ZDHHC11: variants seen among roughly 807,000 people sequenced by gnomAD.
ZDHHC11 encodes the protein zDHHC palmitoyltransferase 11, also known as palmitoyltransferase ZDHHC11.
ZDHHC11 carries 44 observed loss-of-function variants against 51.3 expected under a neutral mutation model. That is an observed-to-expected ratio of 0.86 (90% CI 0.67 to 1.10). The LOEUF is 1.10. Ranked by LOEUF, ZDHHC11 falls within the 50% of genes least tolerant of loss-of-function variation. The pLI is 0.00. For synonymous variants in ZDHHC11, 163 were observed against 222.0 expected (o/e 0.73, Z 2.36); for missense variants, 400 against 537.7 (o/e 0.74, Z 2.53).
intron 11 of ZDHHC11, among the ~76,000 whole-genome samples, chr5:807,826 G>A (rs1469556255): frequency 6.6e-6 from 1 of 151,100 alleles, no homozygotes; most frequent in Non-Finnish European, 1.5e-5. Context: ...TCCAAATGCA[G>A]GTTACGGTGC....
chr5:848,746 G>T, intron 1 of ZDHHC11, 86 bp from the exon 2 acceptor site: 1 of 1,544,658 alleles, frequency 6.5e-7, no homozygotes, highest in African/African-American at 1.4e-5. Context: ...CAGAAGAGGC[G>T]TGGCCGCTGG....
chr5:821,881 G>A lies in ZDHHC11; in HGVS notation c.1038C>T (p.Asp346=). 6.2e-7 allele frequency: 1 copy of A among 1,606,082 alleles called. No homozygotes were observed. Among genetic ancestry groups the A allele is most frequent in the Admixed American group, 1.7e-5 (1 of 59,506 alleles). Residue 346 remains aspartate, a synonymous_variant, in exon 9 of 13, where the codon GAC becomes GAT. Coordinates refer to ENST00000283441, the MANE Select transcript of ZDHHC11 (RefSeq NM_024786.3). ...GDSTAREGDE[D]PCPSALGAKA... is the part of the protein sequence containing the mutation. ...CTCACCCAAGTGCAGATGGACACGG[G>A]TCTTCATCCCCTTCCTGTGGGGAAG...
At position 795,919 on chromosome 5, in the gene ZDHHC11, C is replaced by T. The variant is rs1377103645; in HGVS notation, c.*669G>A. On this transcript the variant is annotated 3_prime_UTR_variant, in exon 13 of 13. Coordinates refer to ENST00000283441, the MANE Select transcript of ZDHHC11 (RefSeq NM_024786.3). The stretch of plus-strand genomic sequence containing the variant: ...GCTCCCATTTCCCAGTACTGTGCTC[C>T]CATTTCCCAGTACTGTGTGCTCCCA... 2 of 108,938 alleles carry T rather than the reference C, an allele frequency of 1.8e-5. No individual in the cohort carries two copies. The highest frequency in any genetic ancestry group is 5.4e-5 in the African/African-American group (2 of 36,772). 6.7% of individuals were successfully genotyped at this position (108,938 alleles called of 1,614,324 possible). A position where few individuals can be genotyped will look rare whatever the true frequency, so the allele number is the denominator to read the frequency against.
chr5:825,906 T>G (rs1435598858), intron 7 of ZDHHC11, among the ~76,000 whole-genome samples: 1 of 150,372 alleles, frequency 6.7e-6, no homozygotes, highest in African/African-American at 2.4e-5. Context: ...TCTGCCCATG[T>G]GACAACTTCA....
intron 1 of ZDHHC11, among the ~76,000 whole-genome samples, chr5:858,438 T>C (rs555757408): frequency 4.3e-4 from 66 of 151,852 alleles, no homozygotes; most frequent in Admixed American, 7.9e-4. Context: ...GAATCTATCC[T>C]GGTCCAAGTC....
At position 801,007 on chromosome 5, in the gene ZDHHC11, T is replaced by C; in HGVS notation, c.*7+93A>G. ...ACGACAAGCAGCCCAGCCCTTGAGT[T>C]TGCACTGGTGATTTTTTAAAGAAGA... On this transcript the variant is annotated intron_variant, in intron 12 of 12. Coordinates refer to ENST00000283441, the MANE Select transcript of ZDHHC11 (RefSeq NM_024786.3). 3 of 1,463,578 alleles carry C rather than the reference T, an allele frequency of 2.0e-6. 1 individual carries two copies. The highest frequency in any genetic ancestry group is 2.9e-6 in the Non-Finnish European group (3 of 1,052,240). The allele number at this position is 1,463,578 out of a possible 1,614,324, so 90.7% of individuals were successfully genotyped here.
At chr5:855,364 G>A (rs1183377060), upstream of ZDHHC11, among the ~76,000 whole-genome samples, 6 of 148,036 alleles carry the variant, frequency 4.1e-5, no homozygotes, top group Non-Finnish European at 8.9e-5. Flanking sequence ...AGACCCCACA[G>A]AGGACAGAGA....
chr5:857,241 G>A (rs1028932112), intron 1 of ZDHHC11, among the ~76,000 whole-genome samples: 12 of 152,260 alleles, frequency 7.9e-5, no homozygotes, highest in East Asian at 3.9e-4. Context: ...GCCCAGCACC[G>A]GGGCCTGCAG....
intron 9 of ZDHHC11, among the ~76,000 whole-genome samples, chr5:820,325 G>A (rs116796575): frequency 0.017 from 2,593 of 151,104 alleles, 14 homozygotes; most frequent in African/African-American, 0.06. Context: ...TTAATGGGTC[G>A]TTTGAAAGGG....
intron 11 of ZDHHC11, among the ~76,000 whole-genome samples, chr5:806,052 A>C (rs1739209803): frequency 6.6e-6 from 1 of 151,260 alleles, no homozygotes; most frequent in African/African-American, 2.4e-5. Context: ...AGGTGGGAGA[A>C]TGGGGGAGGT....
Position 850,793 on chromosome 5 carries a change from C to T in ZDHHC11, c.-191G>A. On this transcript the variant is annotated 5_prime_UTR_variant, in exon 1 of 13. Transcript: ENST00000283441. ...GGCTGGGCTGGAGTCGGTGCAGGGC[C>T]CCGCCCAGGGGAATGAACAGACATG... 3 of 694,804 alleles carry T rather than the reference C, an allele frequency of 4.3e-6. No homozygotes were observed. The highest frequency in any genetic ancestry group is 1.9e-5 in the South Asian group (1 of 52,068). 43.0% of individuals were successfully genotyped at this position (694,804 alleles called of 1,614,324 possible). A position where few individuals can be genotyped will look rare whatever the true frequency, so the allele number is the denominator to read the frequency against.
chr5:856,571 C>T (rs1748281300), intron 1 of ZDHHC11, among the ~76,000 whole-genome samples: 1 of 151,540 alleles, frequency 6.6e-6, no homozygotes, highest in Admixed American at 6.6e-5. Context: ...ACATGCACCA[C>T]ACACCACACA....
intron 11 of ZDHHC11, among the ~76,000 whole-genome samples, chr5:803,231 T>G (rs1738744030): frequency 6.6e-6 from 1 of 151,294 alleles, no homozygotes; most frequent in Admixed American, 6.6e-5. Context: ...GGTGGTGCCC[T>G]GAGGGATCAA....
At chr5:816,583 T>C in intron 10 of ZDHHC11, 6 of 620,128 alleles carry the variant, frequency 9.7e-6, no homozygotes, top group South Asian at 8.3e-5. Flanking sequence ...TTTGTCTAAT[T>C]GACGGTCACC....
At chr5:821,726 G>A in intron 9 of ZDHHC11, 135 bp downstream of exon 9, 1 of 850,720 alleles carries the variant, frequency 1.2e-6, no homozygotes, top group Non-Finnish European at 1.8e-6. Context: ...TCTCTCGAAA[G>A]TGCCACCTCC....
chr5:825,321 C>T lies in ZDHHC11; in HGVS notation c.936-70G>A, dbSNP rs1742190085. On this transcript the variant is annotated intron_variant, in intron 7 of 12. Transcript: ENST00000283441. ...GGGGGACTCAGGGTGGCACTGGAGG[C>T]TGCACCGCGTCGTGTCAGCACCACT... is the stretch of plus-strand genomic sequence containing the variant. 3.3e-6 allele frequency: 5 copies of T among 1,493,070 alleles called. No individual in the cohort carries two copies. In the Admixed American group the frequency reaches 6.7e-5, roughly 20 times the overall value. The allele number at this position is 1,493,070 out of a possible 1,614,324, so 92.5% of individuals were successfully genotyped here.
chr5:847,057 TA>T (rs1746344323), intron 3 of ZDHHC11, among the ~76,000 whole-genome samples: 1 of 137,734 alleles, frequency 7.3e-6, no homozygotes, highest in African/African-American at 3.2e-5. Flanking sequence ...ACCTCTCGTC[TA>T]TGAGCCTCCA....
intron 5 of ZDHHC11, among the ~76,000 whole-genome samples, chr5:838,238 G>T (rs1023058223): frequency 2.6e-5 from 4 of 151,946 alleles, no homozygotes; most frequent in Admixed American, 1.3e-4. Context: ...GCAGCCCAGG[G>T]AAGCAAAGCA....
chr5:831,742 T>C (rs2150362377), intron 7 of ZDHHC11, among the ~76,000 whole-genome samples: 1 of 150,808 alleles, frequency 6.6e-6, no homozygotes, highest in South Asian at 2.1e-4. Context: ...AAATCCACAA[T>C]GCAATACCAC....
Sources: allele counts gnomAD v4.1 joint callset (sites outside exome capture counted in the v4.1 genomes callset), GRCh38; gene constraint gnomAD v4.1.1; transcripts MANE v1.5; gene names NCBI Gene and HGNC (gene_info 2026-07-23, HGNC 2026-07-21).